The following DNAJC5B variants were observed in gnomAD, a reference collection of about 807,000 sequenced individuals.
DNAJC5B encodes DnaJ heat shock protein family (Hsp40) member C5 beta.
Under a neutral mutation model 24.7 loss-of-function variants are expected in DNAJC5B, and 23 were observed. That is an observed-to-expected ratio of 0.93 (90% CI 0.67 to 1.32). The LOEUF is 1.32. DNAJC5B is among the 40% of genes most tolerant of loss of function. The probability of loss-of-function intolerance (pLI) is 0.00; values close to 1 mark genes in which losing one functional copy is unlikely to be tolerated. For missense variants in DNAJC5B, 238 were observed against 240.8 expected (o/e 0.99, Z 0.08); for synonymous variants, 101 against 90.1 (o/e 1.12, Z -0.68).
chr8:66,072,047 CAG>C (rs974010106), intron 3 of DNAJC5B, among the ~76,000 whole-genome samples: 7 of 19,326 alleles, frequency 3.6e-4, no homozygotes, highest in African/African-American at 1.6e-3. Flanking sequence ...TGGGGCCTGT[CAG>C]GGGGTGGGGG....
chr8:66,032,004 T>C (rs1037359228), intron 1 of DNAJC5B, among the ~76,000 whole-genome samples: 3 of 152,258 alleles, frequency 2.0e-5, no homozygotes, highest in African/African-American at 7.2e-5. Context: ...ACCTCCCATA[T>C]GGAAAGTAGT....
intron 1 of DNAJC5B, among the ~76,000 whole-genome samples, chr8:66,041,060 C>T (rs1344878415): frequency 6.6e-6 from 1 of 152,066 alleles, no homozygotes; most frequent in Non-Finnish European, 1.5e-5. Context: ...TCATTTTATA[C>T]AATCAAAGCA....
chr8:66,033,496 A>C (rs1246854062), intron 1 of DNAJC5B, among the ~76,000 whole-genome samples: 1 of 152,140 alleles, frequency 6.6e-6, no homozygotes, highest in East Asian at 1.9e-4. Flanking sequence ...AGCCCTCAGC[A>C]CTGGATCCAC....
intron 1 of DNAJC5B, among the ~76,000 whole-genome samples, chr8:66,032,537 G>T (rs1806381926): frequency 6.6e-6 from 1 of 152,210 alleles, no homozygotes; most frequent in Admixed American, 6.5e-5. Context: ...CCATGAGGCA[G>T]CCATGGGCAA....
chr8:66,060,679 T>A (rs1807061552), intron 3 of DNAJC5B, among the ~76,000 whole-genome samples: 1 of 152,192 alleles, frequency 6.6e-6, no homozygotes, highest in African/African-American at 2.4e-5. Context: ...CCAAAGTCAT[T>A]AGATTGTTGA....
chr8:66,081,580 T>A (rs1807597481), intron 5 of DNAJC5B, among the ~76,000 whole-genome samples: 1 of 152,184 alleles, frequency 6.6e-6, no homozygotes, highest in African/African-American at 2.4e-5. Flanking sequence ...TGGAGACTAG[T>A]TAAAGGCTTC....
chr8:66,091,357 C>T (rs1417404836), intron 5 of DNAJC5B, among the ~76,000 whole-genome samples: 3 of 152,084 alleles, frequency 2.0e-5, no homozygotes, highest in Non-Finnish European at 4.4e-5. Flanking sequence ...GGACACTTTC[C>T]CACGAAGTGA....
rs1304856088 is a variant in DNAJC5B, at chr8:66,025,869, C to A, written c.-142+4164C>A. On this transcript the variant is annotated intron_variant, in intron 1 of 5. Transcript: ENST00000276570. Reference sequence around the variant, plus strand: ...TTTGAAGTCAGGTAGTGTGATGCCTCCAGCTTTGTTCTTTTGGCTTAGGAT... The same window carrying A: ...TTTGAAGTCAGGTAGTGTGATGCCTACAGCTTTGTTCTTTTGGCTTAGGAT... 1.9e-3 allele frequency among the ~76,000 whole-genome samples: 161 copies of A among 83,758 alleles called. 20 individuals are homozygous for A. Among genetic ancestry groups the A allele is most frequent in the Non-Finnish European group, 2.6e-3 (132 of 49,840 alleles). The allele number at this position is 83,758 out of a possible 152,430, so 54.9% of individuals were successfully genotyped here. A position where few individuals can be genotyped will look rare whatever the true frequency, so the allele number is the denominator to read the frequency against.
At position 66,074,752 on chromosome 8, in the gene DNAJC5B, A is replaced by T. The variant is rs112362072; in HGVS notation, c.120-1908A>T. ...AACATGCAAGAGGGTGAGGCATTGC[A>T]CGACCACCTCCTTGACGGTTGTGGA... is the stretch of plus-strand genomic sequence containing the variant. On this transcript the variant is annotated intron_variant, in intron 3 of 5. Coordinates refer to ENST00000276570, the MANE Select transcript of DNAJC5B (RefSeq NM_033105.6). Among the ~76,000 whole-genome samples, 839 of 152,314 alleles carry T rather than the reference A, an allele frequency of 5.5e-3. 15 individuals are homozygous for T. Among genetic ancestry groups the T allele is most frequent in the African/African-American group, 0.019 (803 of 41,570 alleles).
At chr8:66,094,513 A>G (rs1221544858) in intron 5 of DNAJC5B, among the ~76,000 whole-genome samples, 3 of 152,068 alleles carry the variant, frequency 2.0e-5, no homozygotes, top group Non-Finnish European at 4.4e-5. Context: ...CTCTCTTGCT[A>G]ATTTTAATTA....
At chr8:66,075,383 GA>G (rs1807439521) in intron 3 of DNAJC5B, among the ~76,000 whole-genome samples, 1 of 152,016 alleles carries the variant, frequency 6.6e-6, no homozygotes, top group Non-Finnish European at 1.5e-5. Flanking sequence ...CATGGGGGGG[GA>G]AATGCTGCAA....
intron 1 of DNAJC5B, among the ~76,000 whole-genome samples, chr8:66,042,762 T>G (rs894022905): frequency 1.5e-5 from 2 of 137,026 alleles, no homozygotes; most frequent in African/African-American, 5.3e-5. Flanking sequence ...TCTTCTGTGA[T>G]GATGGGCAGC....
At chr8:66,077,652 G>A (rs1807499912) in intron 4 of DNAJC5B, among the ~76,000 whole-genome samples, 1 of 152,148 alleles carries the variant, frequency 6.6e-6, no homozygotes, top group South Asian at 2.1e-4. Context: ...ATTCATATAA[G>A]TTCCAATACA....
chr8:66,035,243 G>A (rs1030005899), intron 1 of DNAJC5B, among the ~76,000 whole-genome samples: 37 of 152,204 alleles, frequency 2.4e-4, no homozygotes, highest in Non-Finnish European at 3.2e-4. Flanking sequence ...CCACTGCCTA[G>A]GCATAAATAA....
At chr8:66,054,431 A>G (rs1806919254) in intron 3 of DNAJC5B, among the ~76,000 whole-genome samples, 1 of 152,168 alleles carries the variant, frequency 6.6e-6, no homozygotes, top group South Asian at 2.1e-4. Context: ...TCTTGATCCA[A>G]TTGGAGTTTA....
At chr8:66,022,871 C>A (rs770465153) in intron 1 of DNAJC5B, among the ~76,000 whole-genome samples, 2 of 152,208 alleles carry the variant, frequency 1.3e-5, no homozygotes, top group Non-Finnish European at 2.9e-5. Context: ...AAGACTTGAA[C>A]ATTAAAATCT....
chr8:66,066,728 AG>A (rs1386402970), intron 3 of DNAJC5B, among the ~76,000 whole-genome samples: 1 of 151,968 alleles, frequency 6.6e-6, no homozygotes, highest in African/African-American at 2.4e-5. Context: ...CAGAAGGGGG[AG>A]GGTAGAAGGG....
chr8:66,070,800 T>C (rs112176788), intron 3 of DNAJC5B, among the ~76,000 whole-genome samples: 80 of 152,290 alleles, frequency 5.3e-4, no homozygotes, highest in African/African-American at 1.8e-3. Context: ...GACTTCAAAC[T>C]ATGCTACAAG....
chr8:66,046,875 C>T (rs2128959056), intron 2 of DNAJC5B, among the ~76,000 whole-genome samples: 1 of 152,242 alleles, frequency 6.6e-6, no homozygotes, highest in Admixed American at 6.5e-5. Flanking sequence ...CCACGTTCTC[C>T]GGATGGTGCA....
Sources: gnomAD v4.1 joint callset for allele counts (sites outside exome capture counted in the v4.1 genomes callset) on GRCh38, gnomAD v4.1.1 for gene constraint, MANE v1.5 for transcripts, NCBI Gene and HGNC (gene_info 2026-07-23, HGNC 2026-07-21) for gene names.